The following ZAN variants were observed in gnomAD, a reference collection of about 807,000 sequenced individuals.
The protein encoded by ZAN is zonadhesin (gene/pseudogene).
A neutral mutation model predicts 286.2 loss-of-function variants in ZAN; 260 were observed. The ratio of observed to expected loss-of-function variants is 0.91; its 90% CI spans 0.82 to 1.01. ZAN has a LOEUF of 1.01. ZAN is among the 50% of genes least tolerant of loss of function. ZAN has a pLI of 0.00. For missense variants in ZAN, 3,410 were observed against 3,639.2 expected, an observed-to-expected ratio of 0.94 and a Z score of 1.62; for synonymous variants, 1,368 against 1,417.5, an observed-to-expected ratio of 0.97 and a Z score of 0.79.
rs769556621 is a variant in ZAN at position 100,794,304 on chromosome 7, G to A, written c.8125+46G>A. ...GGTTCCAAGCTGCCCCATGCCCTGG[G>A]GCGTCCATGGACCAAGGATCGTCCC... On this transcript the variant is annotated intron_variant, in intron 44 of 47. Transcript: ENST00000613979. The A allele has an allele frequency of 9.7e-6, 15 of 1,548,292 alleles. No individual in the cohort carries two copies. In the Admixed American group the frequency reaches 1.2e-4, roughly 12 times the overall value.
Position 100,765,259 on chromosome 7 carries a change from G to T in ZAN, c.4268-93G>T. 2.2e-6 allele frequency: 3 copies of T among 1,378,500 alleles called. No individual in the cohort carries two copies. The Admixed American group carries it at 6.1e-5, about 28-fold the overall frequency. The allele number at this position is 1,378,500 out of a possible 1,614,324, so 85.4% of individuals were successfully genotyped here. A position where few individuals can be genotyped will look rare whatever the true frequency, so the allele number is the denominator to read the frequency against. Reference sequence around the variant, plus strand: ...CTTCTCGAGATTGGCCAGAAGCCTGGAGCTGGGGCCCTTCCGAACGTGTCC... The same window carrying T: ...CTTCTCGAGATTGGCCAGAAGCCTGTAGCTGGGGCCCTTCCGAACGTGTCC... On this transcript the variant is annotated intron_variant, in intron 22 of 47. Transcript: ENST00000613979.
intron 9 of ZAN, 151 bp from the exon 10 acceptor site, chr7:100,747,986 T>TG: frequency 1.7e-6 from 1 of 578,414 alleles, no homozygotes; most frequent in Admixed American, 3.3e-5. Flanking sequence ...AGCAAGACTC[T>TG]GAAAAAAAAA....
chr7:100,736,307 G>A (rs1370417304), intron 3 of ZAN, among the ~76,000 whole-genome samples, 176 bp from the exon 4 acceptor site: 2 of 142,336 alleles, frequency 1.4e-5, no homozygotes, highest in African/African-American at 5.1e-5. Flanking sequence ...GGGTTCAAGC[G>A]ATTCTCTTGC....
Position 100,766,606 on chromosome 7 carries a change from A to T in ZAN, c.4552A>T (p.Arg1518Trp). ...SNNRIRCQPW[R>W]CRAQEFCGQQ... is the part of the protein sequence containing the mutation. ...CAACAGAATTCGCTGCCAGCCCTGG[A>T]GGTGTAGGGCCCAGGAGTTCTGTGG... is the stretch of plus-strand genomic sequence containing the variant. The change falls in exon 24 of 48, where the codon AGG becomes TGG. Residue 1518 changes from arginine to tryptophan, a missense_variant. Coordinates refer to ENST00000613979, the MANE Select transcript of ZAN (RefSeq NM_003386.3). The T allele has an allele frequency of 6.4e-7, 1 of 1,557,094 alleles. No homozygotes were observed. Among genetic ancestry groups the T allele is most frequent in the Non-Finnish European group, 8.7e-7 (1 of 1,150,254 alleles).
Position 100,751,755 on chromosome 7 carries a change from C to T in ZAN, c.1650C>T (p.Ser550=), listed in dbSNP as rs751338026. The change falls in exon 14 of 48, where the codon TCC becomes TCT. Residue 550 remains serine (S), a synonymous_variant. Coordinates refer to ENST00000613979, the MANE Select transcript of ZAN (RefSeq NM_003386.3). ...PELPPVSPVS[S]TGPSETTGLT... Reference sequence around the variant, plus strand: ...TTCCTCCCGTATCTCCAGTTTCTTCCACTGGCCCTTCTGAAACCACTGGCC... The same window carrying T: ...TTCCTCCCGTATCTCCAGTTTCTTCTACTGGCCCTTCTGAAACCACTGGCC... 1 of 1,600,868 alleles carries T rather than the reference C, an allele frequency of 6.2e-7. No homozygotes were observed. The highest frequency in any genetic ancestry group is 8.5e-7 in the Non-Finnish European group (1 of 1,176,820).
At chr7:100,780,337 G>A (rs973030710) in intron 35 of ZAN, among the ~76,000 whole-genome samples, 2 of 151,792 alleles carry the variant, frequency 1.3e-5, no homozygotes, top group Admixed American at 6.6e-5. Flanking sequence ...ATTCAAAAAC[G>A]TATAAAGTAT....
At chr7:100,737,174 C>A in intron 5 of ZAN, 88 bp from the exon 6 acceptor site, 1 of 1,422,860 alleles carries the variant, frequency 7.0e-7, no homozygotes, top group Non-Finnish European at 9.6e-7. Context: ...TTGTGGGGGC[C>A]AAGCCATCTG....
intron 15 of ZAN, among the ~76,000 whole-genome samples, chr7:100,756,480 C>T (rs989434035): frequency 6.6e-6 from 1 of 151,882 alleles, no homozygotes; most frequent in Non-Finnish European, 1.5e-5. Flanking sequence ...TGCAGAGCCT[C>T]TTCCCAGCTG....
At chr7:100,733,976 G>A in intron 1 of ZAN, 51 bp from the exon 2 acceptor site, 2 of 389,594 alleles carry the variant, frequency 5.1e-6, no homozygotes, top group East Asian at 4.0e-5. Context: ...TTCAATCTAC[G>A]ATGCTTCTAC....
At chr7:100,794,390 G>A in intron 44 of ZAN, 132 bp downstream of exon 44, 1 of 1,411,160 alleles carries the variant, frequency 7.1e-7, no homozygotes, top group Non-Finnish European at 9.5e-7. Context: ...CCTTTGTAGG[G>A]AGGGACAAAG....
intron 14 of ZAN, among the ~76,000 whole-genome samples, chr7:100,754,038 G>T (rs1319218229): frequency 2.0e-5 from 3 of 152,046 alleles, no homozygotes; most frequent in African/African-American, 7.2e-5. Context: ...GGATTTGCCA[G>T]TTCTGGACAG....
chr7:100,737,241 G>A (rs1348325617), intron 5 of ZAN, 21 bp from the exon 6 acceptor site: 1 of 1,458,462 alleles, frequency 6.9e-7, no homozygotes, highest in Non-Finnish European at 9.4e-7. Context: ...ATGGGGTTGG[G>A]GTCCCCTTAT....
rs2115998635 is a variant in ZAN at position 100,763,698 on chromosome 7, G to C, written c.3987-108G>C. The C allele has an allele frequency of 8.9e-7, 1 of 1,121,158 alleles. No homozygotes were observed. Among genetic ancestry groups the C allele is most frequent in the Admixed American group, 1.8e-5 (1 of 56,142 alleles). The allele number at this position is 1,121,158 out of a possible 1,614,324, so 69.5% of individuals were successfully genotyped here. A position where few individuals can be genotyped will look rare whatever the true frequency, so the allele number is the denominator to read the frequency against. ...ATCCTCTGGGAGGGGTTTCCCAGCTGACAGGCTGGTTTGCCGGTCCCGGCC... is the reference window on the plus strand; with the variant it reads ...ATCCTCTGGGAGGGGTTTCCCAGCTCACAGGCTGGTTTGCCGGTCCCGGCC... On this transcript the variant is annotated intron_variant, in intron 20 of 47. Coordinates refer to ENST00000613979, the MANE Select transcript of ZAN (RefSeq NM_003386.3). This position sits in a 1 kb window ranked among gnomAD's most constrained non-coding sequence, Gnocchi z 4.6.
chr7:100,736,577 T>A lies in ZAN; in HGVS notation c.201T>A (p.Ser67Arg), dbSNP rs1562908443. ...SADDEDWVRA[S>R]GPSPTGSTGA... is the part of the protein sequence containing the mutation. The stretch of plus-strand genomic sequence containing the variant: ...ACGATGAAGACTGGGTTCGAGCCAG[T>A]GGGCCCTCTCCCACCGGCTCCACCG... The change falls in exon 4 of 48, where the codon AGT (serine) becomes AGA (arginine). Residue 67 changes from serine (S) to arginine (R), a missense_variant. Physicochemically the swap from Ser to Arg is moderately radical, Grantham distance 110 (BLOSUM62 -1). Transcript: ENST00000613979. 3.3e-6 allele frequency: 5 copies of A among 1,523,030 alleles called. 1 individual carries two copies. Among genetic ancestry groups the A allele is most frequent in the Non-Finnish European group, 3.6e-6 (4 of 1,107,490 alleles). The allele number at this position is 1,523,030 out of a possible 1,614,324, so 94.3% of individuals were successfully genotyped here.
In ZAN at chr7:100,797,555, T is replaced by TCTATTCCCCCATGC. The variant is rs551207503; in HGVS notation, c.8367-19_8367-6dup. 345 of 1,613,780 alleles carry TCTATTCCCCCATGC rather than the reference T, an allele frequency of 2.1e-4. No individual in the cohort carries two copies. In the African/African-American group the frequency reaches 4.1e-3, roughly 19 times the overall value. On this transcript the variant is annotated intron_variant, in intron 46 of 47. Coordinates refer to ENST00000613979, the MANE Select transcript of ZAN (RefSeq NM_003386.3). The stretch of plus-strand genomic sequence containing the variant: ...GTAAAGGGCCACTTGGGGACCCATG[T>TCTATTCCCCCATGC]CTATTCCCCCATGCCTTCTAGAGAG...
At chr7:100,784,465 C>T (rs887979034) in intron 35 of ZAN, among the ~76,000 whole-genome samples, 158 bp from the exon 36 acceptor site, 3 of 152,032 alleles carry the variant, frequency 2.0e-5, no homozygotes, top group Non-Finnish European at 4.4e-5. Flanking sequence ...TGGCACATAA[C>T]CCATACTCAG....
intron 42 of ZAN, 135 bp downstream of exon 42, chr7:100,792,614 A>C: frequency 1.4e-6 from 2 of 1,475,070 alleles, no homozygotes; most frequent in Non-Finnish European, 1.8e-6. Context: ...CGCTCTTCCC[A>C]CCATTGCCTC....
chr7:100,751,577 T>C (rs1808667622), intron 13 of ZAN, 135 bp from the exon 14 acceptor site: 3 of 955,064 alleles, frequency 3.1e-6, no homozygotes, highest in Non-Finnish European at 4.6e-6. Context: ...GTTGAGTGGA[T>C]GAAGGTTGGG....
At position 100,786,076 on chromosome 7, in the gene ZAN, G is replaced by A. The variant is rs2116280418; in HGVS notation, c.6914G>A (p.Arg2305Gln). ...GGAGCCATTCAGTGCGGGGACTTCC[G>A]ATGCCCCTCTGGGTCCCACTGCCAG... Reference protein sequence around the residue: ...TGGAIQCGDFRCPSGSHCQLT... With the variant: ...TGGAIQCGDFQCPSGSHCQLT... Residue 2305 changes from arginine (R) to glutamine (Q), a missense_variant, in exon 37 of 48, where the codon CGA becomes CAA. Around this residue, in one of 7 missense-constraint regions of ZAN, gnomAD observed 1,289 missense variants for 1,314.3 expected, o/e 0.98. Coordinates refer to ENST00000613979, the MANE Select transcript of ZAN (RefSeq NM_003386.3). The A allele has an allele frequency of 3.7e-6, 6 of 1,614,024 alleles. No homozygotes were observed. The highest frequency in any genetic ancestry group is 5.1e-6 in the Non-Finnish European group (6 of 1,179,896).
Sources: gnomAD v4.1 joint callset for allele counts (sites outside exome capture counted in the v4.1 genomes callset) on GRCh38, gnomAD v4.1.1 for gene constraint, gnomAD v4.1.1 regional missense constraint, Gnocchi (gnomAD v3.1) non-coding constraint, MANE v1.5 for transcripts, NCBI Gene and HGNC (gene_info 2026-07-23, HGNC 2026-07-21) for gene names.